The following TNRC6B variants were observed in gnomAD, a reference collection of about 807,000 sequenced individuals.
The protein encoded by TNRC6B is trinucleotide repeat-containing gene 6B protein.
In TNRC6B, 52 loss-of-function variants were observed where a neutral mutation model predicts 203.6. The ratio of observed to expected loss-of-function variants is 0.26; its 90% CI spans 0.20 to 0.32. The LOEUF is 0.32. Ranked by LOEUF, TNRC6B falls within the 10% of genes least tolerant of loss-of-function variation. The pLI is 1.00. For missense variants in TNRC6B, 1,923 were observed against 2,286.2 expected (o/e 0.84, Z 3.24); for synonymous variants, 838 against 845.7 (o/e 0.99, Z 0.16).
chr22:40,187,941 C>T (rs1318407002), intron 1 of TNRC6B, among the ~76,000 whole-genome samples: 1 of 152,106 alleles, frequency 6.6e-6, no homozygotes, highest in Non-Finnish European at 1.5e-5. Flanking sequence ...TGAATCTGGC[C>T]GGGTACGGTG....
chr22:40,135,961 A>C (rs534962897), intron 3 of TNRC6B, among the ~76,000 whole-genome samples: 1 of 152,240 alleles, frequency 6.6e-6, no homozygotes, highest in African/African-American at 2.4e-5. Flanking sequence ...TAATAGGCCT[A>C]CTTCAGCCTG....
chr22:40,051,432 A>G (rs1326414716), intron 1 of TNRC6B, among the ~76,000 whole-genome samples: 1 of 152,192 alleles, frequency 6.6e-6, no homozygotes, highest in African/African-American at 2.4e-5. Context: ...CCCTCCACCC[A>G]GCATGGGGCT....
intron 1 of TNRC6B, among the ~76,000 whole-genome samples, chr22:40,057,491 C>T (rs979600699): frequency 6.6e-6 from 1 of 152,008 alleles, no homozygotes; most frequent in African/African-American, 2.4e-5. Context: ...CAGGATTTCT[C>T]CATGTTGGTC....
At chr22:40,302,036 A>G (rs2146549981) in intron 15 of TNRC6B, among the ~76,000 whole-genome samples, 1 of 152,336 alleles carries the variant, frequency 6.6e-6, no homozygotes, top group Admixed American at 6.5e-5. Context: ...TATAGAAAAA[A>G]TGAACTAAAA....
At chr22:40,211,052 T>A (rs374020809) in intron 1 of TNRC6B, among the ~76,000 whole-genome samples, 4 of 152,290 alleles carry the variant, frequency 2.6e-5, no homozygotes, top group East Asian at 1.9e-4. Flanking sequence ...CCTCCCACAT[T>A]TAGTCAGTTA....
intron 15 of TNRC6B, among the ~76,000 whole-genome samples, chr22:40,305,556 A>G (rs2071078376): frequency 6.6e-6 from 1 of 152,224 alleles, no homozygotes. Flanking sequence ...CATCAGACAC[A>G]TTCCATATCC....
At chr22:40,221,681 C>T (rs867389918) in intron 1 of TNRC6B, among the ~76,000 whole-genome samples, 1 of 151,932 alleles carries the variant, frequency 6.6e-6, no homozygotes, top group Non-Finnish European at 1.5e-5. Flanking sequence ...CAAAGTGATC[C>T]TCCTGCCTTG....
chr22:40,233,189 G>A (rs2069900154), intron 1 of TNRC6B, among the ~76,000 whole-genome samples: 1 of 151,964 alleles, frequency 6.6e-6, no homozygotes, highest in Non-Finnish European at 1.5e-5. Context: ...CAGGTGTGGT[G>A]CCTCGTTCCT....
At chr22:40,225,742 CAAAAA>C (rs34769532) in intron 1 of TNRC6B, among the ~76,000 whole-genome samples, 6 of 64,376 alleles carry the variant, frequency 9.3e-5, no homozygotes, top group East Asian at 4.8e-4. Flanking sequence ...GACTCCGTCT[CAAAAA>C]AAAAAAAAAA....
intron 3 of TNRC6B, among the ~76,000 whole-genome samples, chr22:40,148,333 C>T (rs5995825): frequency 0.63 from 93,468 of 148,548 alleles, 31,074 homozygotes; most frequent in African/African-American, 0.86. Flanking sequence ...TGCCAGGCTG[C>T]AGTGCAGTGG....
intron 7 of TNRC6B, among the ~76,000 whole-genome samples, chr22:40,274,680 C>T (rs1277464259): frequency 6.6e-6 from 1 of 152,196 alleles, no homozygotes; most frequent in African/African-American, 2.4e-5. Flanking sequence ...CTCGGCCTCC[C>T]AAAGTGCTGG....
At chr22:40,233,547 A>G (rs774107163) in intron 1 of TNRC6B, among the ~76,000 whole-genome samples, 15 of 146,396 alleles carry the variant, frequency 1.0e-4, no homozygotes, top group Non-Finnish European at 1.5e-4. Context: ...GCTTGAACTC[A>G]GGAGGCGGAG....
At chr22:40,153,698 TATTGAGTTGAA>T (rs1455976015) in intron 3 of TNRC6B, among the ~76,000 whole-genome samples, 1 of 151,802 alleles carries the variant, frequency 6.6e-6, no homozygotes, top group Non-Finnish European at 1.5e-5. Flanking sequence ...TAGCACTGAA[TATTGAGTTGAA>T]CAAAAACGGT....
At chr22:40,087,176 T>TAAGAGATGG (rs1212006725) in intron 1 of TNRC6B, among the ~76,000 whole-genome samples, 1 of 152,202 alleles carries the variant, frequency 6.6e-6, no homozygotes, top group Non-Finnish European at 1.5e-5. Flanking sequence ...TCATTATAGA[T>TAAGAGATGG]AAGAGATGGA....
chr22:40,222,747 T>C (rs1189708671), intron 1 of TNRC6B, among the ~76,000 whole-genome samples: 2 of 120,512 alleles, frequency 1.7e-5, no homozygotes, highest in African/African-American at 6.1e-5. Flanking sequence ...TTTTTTTTTT[T>C]TTTTTTTTTT....
intron 1 of TNRC6B, among the ~76,000 whole-genome samples, chr22:40,077,824 T>TA (rs1309218701): frequency 1.3e-5 from 2 of 152,182 alleles, no homozygotes; most frequent in African/African-American, 4.8e-5. Context: ...AGTGGATACA[T>TA]ACTGCATTGA....
intron 3 of TNRC6B, among the ~76,000 whole-genome samples, chr22:40,261,108 A>C (rs2070375225): frequency 6.6e-6 from 1 of 151,504 alleles, no homozygotes; most frequent in African/African-American, 2.4e-5. Context: ...ACATGGCAAA[A>C]CCCTGTCTCT....
chr22:40,114,386 T>C (rs1474405542), intron 1 of TNRC6B, among the ~76,000 whole-genome samples: 1 of 152,170 alleles, frequency 6.6e-6, no homozygotes, highest in Non-Finnish European at 1.5e-5. Context: ...AGTGGTGTAA[T>C]CATGGTTCAC....
At chr22:40,283,259 C>G (rs548091536) in intron 11 of TNRC6B, among the ~76,000 whole-genome samples, 1 of 152,130 alleles carries the variant, frequency 6.6e-6, no homozygotes, top group Non-Finnish European at 1.5e-5. Flanking sequence ...GGGATGGTCT[C>G]AATCTCCTGA....
Sources: allele counts gnomAD v4.1 joint callset (sites outside exome capture counted in the v4.1 genomes callset), GRCh38; gene constraint gnomAD v4.1.1; transcripts MANE v1.5; gene names NCBI Gene and HGNC (gene_info 2026-07-23, HGNC 2026-07-21).